Variants in VAV3 observed in about 807,000 individuals in gnomAD.
VAV3 encodes guanine nucleotide exchange factor VAV3.
A neutral mutation model predicts 131.2 loss-of-function variants in VAV3; 94 were observed. That is an observed-to-expected ratio of 0.72 (90% confidence interval 0.61 to 0.85). The LOEUF (loss-of-function observed/expected upper bound fraction) is 0.85, where lower values mean the gene tolerates loss of function less well. Among genes scored for constraint, VAV3 ranks in the 40% least tolerant of loss-of-function variants. The pLI, the probability that VAV3 is intolerant of heterozygous loss-of-function variation, is 0.00. For synonymous variants in VAV3, 349 were observed against 342.0 expected, an observed-to-expected ratio of 1.02 and a Z score of -0.22; for missense variants, 939 against 1,002.7, an observed-to-expected ratio of 0.94 and a Z score of 0.86.
chr1:107,962,299 A>G (rs1467251033), intron 1 of VAV3, among the ~76,000 whole-genome samples: 1 of 151,708 alleles, frequency 6.6e-6, no homozygotes, highest in Non-Finnish European at 1.5e-5. Context: ...CTACAGCTAG[A>G]ACCTTTCCCA....
chr1:107,814,332 T>C (rs1044840457), intron 2 of VAV3, among the ~76,000 whole-genome samples: 4 of 152,172 alleles, frequency 2.6e-5, no homozygotes, highest in African/African-American at 9.7e-5. Context: ...GTCTTTTTAG[T>C]AATAGCCACT....
intron 12 of VAV3, among the ~76,000 whole-genome samples, chr1:107,752,054 A>G (rs562158358): frequency 6.6e-6 from 1 of 152,354 alleles, no homozygotes; most frequent in East Asian, 1.9e-4. Context: ...AAAGGAACAA[A>G]GCTGGAAGTC....
chr1:107,867,498 C>G (rs935573767), intron 2 of VAV3, among the ~76,000 whole-genome samples: 1 of 152,158 alleles, frequency 6.6e-6, no homozygotes, highest in Non-Finnish European at 1.5e-5. Flanking sequence ...TGCTAATGAT[C>G]TGGGAATTGT....
At chr1:107,796,804 AAT>A (rs1553210389) in intron 2 of VAV3, among the ~76,000 whole-genome samples, 18 of 144,446 alleles carry the variant, frequency 1.2e-4, no homozygotes, top group South Asian at 1.1e-3. Context: ...AAAAAAAAAA[AAT>A]ATATATATAT....
At chr1:107,832,829 A>T (rs566417227) in intron 2 of VAV3, among the ~76,000 whole-genome samples, 1 of 152,352 alleles carries the variant, frequency 6.6e-6, no homozygotes, top group South Asian at 2.1e-4. Context: ...CTGCTGAATC[A>T]TAAGTTAGGA....
chr1:107,638,791 C>G (rs1277673168), intron 20 of VAV3, among the ~76,000 whole-genome samples: 1 of 152,054 alleles, frequency 6.6e-6, no homozygotes, highest in Admixed American at 6.6e-5. Context: ...TTATTAGCTA[C>G]AGTAATCAAG....
At chr1:107,573,727 T>G (rs188360924) in intron 26 of VAV3, among the ~76,000 whole-genome samples, 1 of 152,226 alleles carries the variant, frequency 6.6e-6, no homozygotes, top group African/African-American at 2.4e-5. Flanking sequence ...TTCTTATAGA[T>G]ATTTTGCAAT....
intron 19 of VAV3, among the ~76,000 whole-genome samples, chr1:107,650,696 C>T (rs1362334421): frequency 2.1e-5 from 3 of 140,042 alleles, no homozygotes; most frequent in Admixed American, 6.9e-5. Context: ...TCTTCTAATG[C>T]TATCCCTCCC....
At chr1:107,694,658 A>G (rs1041387341) in intron 17 of VAV3, among the ~76,000 whole-genome samples, 1 of 152,136 alleles carries the variant, frequency 6.6e-6, no homozygotes, top group African/African-American at 2.4e-5. Flanking sequence ...GTGGAACCAA[A>G]ACTGTACAAT....
intron 17 of VAV3, among the ~76,000 whole-genome samples, chr1:107,695,727 T>C (rs1239787947): frequency 6.6e-6 from 1 of 152,078 alleles, no homozygotes; most frequent in Non-Finnish European, 1.5e-5. Context: ...GGAAAGTCAA[T>C]CAGATTTCCA....
At chr1:107,644,962 G>T (rs1442080269) in intron 19 of VAV3, among the ~76,000 whole-genome samples, 1 of 65,076 alleles carries the variant, frequency 1.5e-5, no homozygotes, top group African/African-American at 3.7e-5. Context: ...CGAGTATACA[G>T]AGTATACACT....
At chr1:107,902,534 T>C (rs1262349733) in intron 1 of VAV3, among the ~76,000 whole-genome samples, 2 of 152,242 alleles carry the variant, frequency 1.3e-5, no homozygotes, top group African/African-American at 4.8e-5. Flanking sequence ...TAGATAGTCT[T>C]ATGTAGGAGT....
chr1:107,758,128 C>T (rs1290286306), intron 10 of VAV3, among the ~76,000 whole-genome samples: 2 of 152,194 alleles, frequency 1.3e-5, no homozygotes, highest in African/African-American at 4.8e-5. Flanking sequence ...CCATCAGTGT[C>T]ATCACTTAAG....
chr1:107,703,907 CA>C (rs1266499005), intron 17 of VAV3, among the ~76,000 whole-genome samples: 1 of 151,964 alleles, frequency 6.6e-6, no homozygotes, highest in Non-Finnish European at 1.5e-5. Flanking sequence ...GAAGAGAGCC[CA>C]AGAGGAGCAG....
chr1:107,697,015 T>C (rs776912376), intron 17 of VAV3, among the ~76,000 whole-genome samples: 14 of 152,148 alleles, frequency 9.2e-5, no homozygotes, highest in Non-Finnish European at 1.9e-4. Context: ...TCATAAAGTC[T>C]AGCTTGCCCA....
At chr1:107,609,715 C>T (rs1186186822) in intron 22 of VAV3, 4 of 498,666 alleles carry the variant, frequency 8.0e-6, no homozygotes, top group African/African-American at 1.9e-5. Context: ...CAGTCTAGGG[C>T]ACTGGGCACT....
At chr1:107,772,162 G>A (rs956765418) in intron 5 of VAV3, among the ~76,000 whole-genome samples, 2 of 152,170 alleles carry the variant, frequency 1.3e-5, no homozygotes, top group Non-Finnish European at 2.9e-5. Flanking sequence ...ATAATCCAAA[G>A]TAATCCTTTC....
chr1:107,868,103 C>T (rs891701736), intron 2 of VAV3, among the ~76,000 whole-genome samples: 16 of 152,116 alleles, frequency 1.1e-4, no homozygotes, highest in African/African-American at 3.6e-4. Context: ...TGCAATAGCA[C>T]CACACTAGCA....
chr1:107,653,519 T>C (rs1656324223), intron 19 of VAV3, among the ~76,000 whole-genome samples: 1 of 152,052 alleles, frequency 6.6e-6, no homozygotes, highest in African/African-American at 2.4e-5. Flanking sequence ...ATCACCACAA[T>C]ATCTAACAGG....
Sources: gnomAD v4.1 joint callset for allele counts (sites outside exome capture counted in the v4.1 genomes callset) on GRCh38, gnomAD v4.1.1 for gene constraint, MANE v1.5 for transcripts, NCBI Gene and HGNC (gene_info 2026-07-23, HGNC 2026-07-21) for gene names.